Variants in ING4 observed in about 807,000 individuals in gnomAD.
The protein encoded by ING4 is inhibitor of growth family member 4, also known as inhibitor of growth protein 4.
In ING4, 28 loss-of-function variants were observed where a neutral mutation model predicts 33.1. The ratio of observed to expected loss-of-function variants is 0.85; its 90% CI spans 0.63 to 1.16. The LOEUF (loss-of-function observed/expected upper bound fraction) is 1.16, where lower values mean the gene tolerates loss of function less well. Ranked by LOEUF, ING4 falls within the 50% of genes most tolerant of loss-of-function variation. ING4 has a pLI of 0.00. For synonymous variants in ING4, 87 were observed against 104.4 expected, an observed-to-expected ratio of 0.83 and a Z score of 1.02; for missense variants, 247 against 314.7, an observed-to-expected ratio of 0.78 and a Z score of 1.63.
chr12:6,655,742 A>C, intron 2 of ING4: 19 of 457,994 alleles, frequency 4.1e-5, no homozygotes, highest in Non-Finnish European at 7.0e-5. Flanking sequence ...CATGTATCTC[A>C]AAACCAGTCT....
At chr12:6,652,625 G>A (rs1949218690) in intron 5 of ING4, 37 bp downstream of exon 5, 6 of 1,575,278 alleles carry the variant, frequency 3.8e-6, no homozygotes, top group Non-Finnish European at 5.2e-6. Flanking sequence ...GGAGAGAAGA[G>A]GATGTCATCC....
chr12:6,656,446 A>G, intron 2 of ING4: 1 of 295,568 alleles, frequency 3.4e-6, no homozygotes, highest in Non-Finnish European at 6.3e-6. Context: ...AAGTGCTGGG[A>G]TTACAGGTGT....
intron 2 of ING4, chr12:6,655,935 A>G: frequency 2.2e-6 from 1 of 455,238 alleles, no homozygotes; most frequent in Non-Finnish European, 4.4e-6. Flanking sequence ...AACGGTATAG[A>G]GATCCCATTG....
At chr12:6,652,444 G>A (rs776346199) in intron 5 of ING4, 26 bp from the exon 6 acceptor site, 4 of 1,610,860 alleles carry the variant, frequency 2.5e-6, no homozygotes, top group Non-Finnish European at 3.4e-6. Flanking sequence ...AAGAGAAAGT[G>A]TCATCTACAG....
At chr12:6,656,903 C>G in intron 1 of ING4, 105 bp from the exon 2 acceptor site, 1 of 681,938 alleles carries the variant, frequency 1.5e-6, no homozygotes, top group Non-Finnish European at 2.4e-6. Context: ...CCTGCAATCC[C>G]AGCACTTTGG....
At chr12:6,654,748 G>A (rs1426509784) in intron 2 of ING4, among the ~76,000 whole-genome samples, 4 of 151,622 alleles carry the variant, frequency 2.6e-5, no homozygotes, top group Admixed American at 1.3e-4. Flanking sequence ...GTTTTGAGAC[G>A]GAGTCACGCT....
intron 1 of ING4, 115 bp downstream of exon 1, chr12:6,662,950 A>T: frequency 8.5e-7 from 1 of 1,169,704 alleles, no homozygotes; most frequent in Non-Finnish European, 1.2e-6. Context: ...CCTGCCACAG[A>T]ACCGCTTCAT....
At chr12:6,652,472 T>C in intron 5 of ING4, 54 bp from the exon 6 acceptor site, 2 of 1,590,120 alleles carry the variant, frequency 1.3e-6, no homozygotes, top group South Asian at 2.2e-5. Context: ...AGCTAAAGCC[T>C]GAGGCTTTCA....
Position 6,653,366 on chromosome 12 carries a change from G to T in ING4, c.140C>A (p.Thr47Asn). The T allele has an allele frequency of 3.1e-6, 5 of 1,614,180 alleles. No individual in the cohort carries two copies. The South Asian group carries it at 5.5e-5, about 18-fold the overall frequency. The change falls in exon 3 of 8, where the codon ACT becomes AAT. Residue 47 changes from threonine (T) to asparagine (N), a missense_variant. Thr to Asn is a moderately conservative substitution (Grantham distance 65). Transcript: ENST00000341550. Reference sequence around the variant, plus strand: ...GCTGCGGGCACTACTCATATACTCAGTGGCCAACTTGTCAATTTCAGCCTT... The same window carrying T: ...GCTGCGGGCACTACTCATATACTCATTGGCCAACTTGTCAATTTCAGCCTT... ...DLKAEIDKLA[T>N]EYMSSARSLS... is the part of the protein sequence containing the mutation.
rs1949143720 is a variant in ING4, at chr12:6,650,364, T to C, written c.*831A>G. ...AGATGTTTTATGGAGAAAAGATGCATGATTTACAAAGTTTTGGAGACCCCC... is the reference window on the plus strand; with the variant it reads ...AGATGTTTTATGGAGAAAAGATGCACGATTTACAAAGTTTTGGAGACCCCC... On this transcript the variant is annotated 3_prime_UTR_variant, in exon 8 of 8. Coordinates refer to ENST00000341550, the MANE Select transcript of ING4 (RefSeq NM_016162.4). 6.6e-6 allele frequency: 1 copy of C among 152,316 alleles called. No individual in the cohort carries two copies. The highest frequency in any genetic ancestry group is 6.5e-5 in the Admixed American group (1 of 15,298). 9.4% of individuals were successfully genotyped at this position (152,316 alleles called of 1,614,324 possible).
intron 6 of ING4, among the ~76,000 whole-genome samples, chr12:6,651,848 C>CTTTT (rs1029172811): frequency 1.8e-4 from 21 of 114,800 alleles, no homozygotes; most frequent in Admixed American, 3.7e-4. Flanking sequence ...GGCTTTCAGG[C>CTTTT]TTTTTTTTTT....
chr12:6,653,526 A>G, intron 2 of ING4, 130 bp from the exon 3 acceptor site: 1 of 888,894 alleles, frequency 1.1e-6, no homozygotes, highest in East Asian at 2.7e-5. Context: ...CTGAATGTTC[A>G]GAGGTACTGT....
In ING4 at chr12:6,651,402, G is replaced by T. The variant is rs1949174435; in HGVS notation, c.646-17C>A. ...AATGGAACACTGGAAGAGGAAGAAA[G>T]AAGTAGTCAGGGGCCAGGAAGGGCC... On this transcript the variant is annotated splice_polypyrimidine_tract_variant and intron_variant, in intron 6 of 7. Transcript: ENST00000341550. 3.7e-6 allele frequency: 6 copies of T among 1,612,328 alleles called. No homozygotes were observed. The highest frequency in any genetic ancestry group is 5.1e-6 in the Non-Finnish European group (6 of 1,178,400).
chr12:6,661,165 T>A (rs1949535840), intron 1 of ING4, among the ~76,000 whole-genome samples: 1 of 150,268 alleles, frequency 6.7e-6, no homozygotes, highest in Non-Finnish European at 1.5e-5. Flanking sequence ...TGGCATGATC[T>A]CGGCCCACTG....
At chr12:6,651,533 T>C (rs1488869004) in intron 6 of ING4, 148 bp from the exon 7 acceptor site, 2 of 663,528 alleles carry the variant, frequency 3.0e-6, no homozygotes, top group East Asian at 2.7e-5. Context: ...GTTCCCACCA[T>C]CTTCCTTCTA....
chr12:6,654,751 G>C (rs1164165168), intron 2 of ING4, among the ~76,000 whole-genome samples: 1 of 151,996 alleles, frequency 6.6e-6, no homozygotes, highest in Non-Finnish European at 1.5e-5. Flanking sequence ...TTGAGACGGA[G>C]TCACGCTCTG....
chr12:6,650,658 G>A lies in ING4; in HGVS notation c.*537C>T, dbSNP rs998634076. On this transcript the variant is annotated 3_prime_UTR_variant, in exon 8 of 8. Transcript: ENST00000341550. ...ATGTGAGTTATCTGCATTCCACCTT[G>A]CCCCCTCTCCCAGGATGAATCCTCT... is the stretch of plus-strand genomic sequence containing the variant. The A allele has an allele frequency of 1.9e-5, 3 of 158,048 alleles. No individual in the cohort carries two copies. Among genetic ancestry groups the A allele is most frequent in the Non-Finnish European group, 2.8e-5 (2 of 70,928 alleles). The allele number at this position is 158,048 out of a possible 1,614,324, so 9.8% of individuals were successfully genotyped here.
chr12:6,660,317 A>T (rs941960947), intron 1 of ING4, among the ~76,000 whole-genome samples: 16 of 151,728 alleles, frequency 1.1e-4, no homozygotes, highest in African/African-American at 3.1e-4. Context: ...TATATATATA[A>T]AAAATAAAAG....
At chr12:6,661,167 G>A (rs569848200) in intron 1 of ING4, among the ~76,000 whole-genome samples, 45 of 147,270 alleles carry the variant, frequency 3.1e-4, no homozygotes, top group African/African-American at 1.1e-3. Flanking sequence ...GCATGATCTC[G>A]GCCCACTGCA....
Sources: allele counts gnomAD v4.1 joint callset (sites outside exome capture counted in the v4.1 genomes callset), GRCh38; gene constraint gnomAD v4.1.1; transcripts MANE v1.5; gene names NCBI Gene and HGNC (gene_info 2026-07-23, HGNC 2026-07-21).